Variants in ANGPT1 observed in about 807,000 individuals in gnomAD.
ANGPT1 encodes angiopoietin 1.
Under a neutral mutation model 62.2 loss-of-function variants are expected in ANGPT1, and 17 were observed. That is an observed-to-expected ratio of 0.27 (90% CI 0.19 to 0.41). The LOEUF (loss-of-function observed/expected upper bound fraction) is 0.41, where lower values mean the gene tolerates loss of function less well. ANGPT1 is among the 10% of genes least tolerant of loss of function. ANGPT1 has a pLI of 1.00. For synonymous variants in ANGPT1, 199 were observed against 198.9 expected, an observed-to-expected ratio of 1.00 and a Z score of 0.00; for missense variants, 478 against 594.9, an observed-to-expected ratio of 0.80 and a Z score of 2.04.
At chr8:107,258,989 T>G (rs1157481691) in intron 8 of ANGPT1, among the ~76,000 whole-genome samples, 1 of 152,132 alleles carries the variant, frequency 6.6e-6, no homozygotes, top group Non-Finnish European at 1.5e-5. Context: ...TGCCACACAC[T>G]ATGGCAGCCA....
chr8:107,345,482 T>C (rs1037898399), intron 2 of ANGPT1, among the ~76,000 whole-genome samples: 2 of 152,026 alleles, frequency 1.3e-5, no homozygotes, highest in Non-Finnish European at 2.9e-5. Context: ...CAAGACACAG[T>C]GTTTTAGGGG....
Position 107,474,429 on chromosome 8 carries a change from A to G in ANGPT1, c.297+22833T>C, listed in dbSNP as rs1292813936. Among the ~76,000 whole-genome samples the G allele has an allele frequency of 2.0e-5, 3 of 152,128 alleles. No homozygotes were observed. The East Asian group carries it at 5.8e-4, about 29-fold the overall frequency. On this transcript the variant is annotated intron_variant, in intron 1 of 8. Coordinates refer to ENST00000517746, the MANE Select transcript of ANGPT1 (RefSeq NM_001146.5). ...TCAATAAATTAGGTATTGATGGGAC[A>G]TATCTCAAAATAACAAGAGCTATTT...
chr8:107,277,659 A>G lies in ANGPT1; in HGVS notation c.1205+7023T>C, dbSNP rs75157964. On this transcript the variant is annotated intron_variant, in intron 7 of 8. Coordinates refer to ENST00000517746, the MANE Select transcript of ANGPT1 (RefSeq NM_001146.5). ...GCCCAATCAATAATGGAACAAATTA[A>G]TCTTTTGTGCCTTTGGATGTGATAG... Among the ~76,000 whole-genome samples, 974 of 152,356 alleles carry G rather than the reference A, an allele frequency of 6.4e-3. 34 individuals are homozygous for G. The East Asian group carries it at 0.12, about 18-fold the overall frequency.
At chr8:107,252,980 A>G (rs1480803966) in intron 8 of ANGPT1, among the ~76,000 whole-genome samples, 1 of 152,200 alleles carries the variant, frequency 6.6e-6, no homozygotes, top group African/African-American at 2.4e-5. Context: ...AGAAAGAGAA[A>G]GCTGTACAGC....
chr8:107,442,059 C>T (rs536920295), intron 1 of ANGPT1, among the ~76,000 whole-genome samples: 38 of 152,000 alleles, frequency 2.5e-4, no homozygotes, highest in African/African-American at 8.2e-4. Context: ...ACTCCAGCCT[C>T]GGTGACAGAG....
intron 1 of ANGPT1, among the ~76,000 whole-genome samples, chr8:107,349,605 T>G (rs1351850155): frequency 6.6e-6 from 1 of 152,150 alleles, no homozygotes; most frequent in African/African-American, 2.4e-5. Flanking sequence ...CCTTTTATAA[T>G]CACACTTAAA....
intron 4 of ANGPT1, among the ~76,000 whole-genome samples, chr8:107,320,214 C>A (rs190456123): frequency 5.5e-4 from 83 of 152,156 alleles, no homozygotes; most frequent in Admixed American, 1.4e-3. Flanking sequence ...GATATTGCGC[C>A]CAAAGTTGAA....
At chr8:107,409,794 C>T (rs1488110094) in intron 1 of ANGPT1, among the ~76,000 whole-genome samples, 3 of 151,870 alleles carry the variant, frequency 2.0e-5, no homozygotes, top group Admixed American at 6.6e-5. Flanking sequence ...GGAACCCTCA[C>T]TTAGAATTCT....
intron 4 of ANGPT1, among the ~76,000 whole-genome samples, chr8:107,319,797 T>C (rs558246393): frequency 1.1e-4 from 16 of 152,180 alleles, no homozygotes; most frequent in South Asian, 8.3e-4. Context: ...CTTTCCACTT[T>C]TGTGTCTCTT....
intron 8 of ANGPT1, among the ~76,000 whole-genome samples, chr8:107,262,724 A>T (rs1050528735): frequency 2.6e-5 from 4 of 152,244 alleles, no homozygotes; most frequent in Non-Finnish European, 4.4e-5. Context: ...TATTACAGTA[A>T]GAGAGAAGCA....
chr8:107,398,804 A>G (rs968525644), intron 1 of ANGPT1, among the ~76,000 whole-genome samples: 5 of 152,168 alleles, frequency 3.3e-5, no homozygotes, highest in African/African-American at 4.8e-5. Context: ...CTTTCAGAGA[A>G]AGAGTAATCG....
chr8:107,346,496 C>T (rs1479781554), intron 2 of ANGPT1, among the ~76,000 whole-genome samples: 1 of 152,104 alleles, frequency 6.6e-6, no homozygotes, highest in Non-Finnish European at 1.5e-5. Context: ...ACACATATTC[C>T]TCATAACTTC....
intron 1 of ANGPT1, among the ~76,000 whole-genome samples, chr8:107,402,522 C>T (rs1817066816): frequency 6.6e-6 from 1 of 152,168 alleles, no homozygotes; most frequent in African/African-American, 2.4e-5. Flanking sequence ...CACCTGCTCC[C>T]ATGCTAGCAC....
chr8:107,348,688 T>C (rs1586245304), intron 1 of ANGPT1, among the ~76,000 whole-genome samples: 1 of 152,208 alleles, frequency 6.6e-6, no homozygotes, highest in Admixed American at 6.5e-5. Context: ...AAGAGGCAGG[T>C]AGAGAAAAAG....
intron 1 of ANGPT1, among the ~76,000 whole-genome samples, chr8:107,349,832 A>G (rs1815894955): frequency 6.6e-6 from 1 of 152,178 alleles, no homozygotes; most frequent in Admixed American, 6.5e-5. Flanking sequence ...CTACATGGGG[A>G]GAATTTTAAA....
chr8:107,412,677 A>G (rs1432891620), intron 1 of ANGPT1, among the ~76,000 whole-genome samples: 4 of 152,162 alleles, frequency 2.6e-5, no homozygotes, highest in African/African-American at 9.7e-5. Flanking sequence ...AGATGAATAC[A>G]TCCCCTGCCT....
intron 1 of ANGPT1, among the ~76,000 whole-genome samples, chr8:107,456,764 TA>T (rs1293152971): frequency 3.3e-5 from 5 of 152,020 alleles, no homozygotes; most frequent in African/African-American, 1.2e-4. Flanking sequence ...AATAGAAATA[TA>T]AAACCTAGAG....
At position 107,298,036 on chromosome 8, in the gene ANGPT1, T is replaced by C. The variant is rs540429000; in HGVS notation, c.937-3999A>G. Among the ~76,000 whole-genome samples the C allele has an allele frequency of 9.9e-4, 151 of 151,996 alleles. 2 individuals carry two copies. Among genetic ancestry groups the C allele is most frequent in the Admixed American group, 1.6e-3 (25 of 15,196 alleles). On this transcript the variant is annotated intron_variant, in intron 5 of 8. Transcript: ENST00000517746. ...ACCCTGCTACATTAACTATGCCTAT[T>C]GCATTTATTGATCATATGACTTGGG...
At chr8:107,457,855 CACACACACA>C (rs1563631562) in intron 1 of ANGPT1, among the ~76,000 whole-genome samples, 12 of 150,572 alleles carry the variant, frequency 8.0e-5, no homozygotes, top group African/African-American at 2.9e-4. Flanking sequence ...CACACACACA[CACACACACA>C]CACCAAGAGG....
Sources: allele counts gnomAD v4.1 joint callset (sites outside exome capture counted in the v4.1 genomes callset), GRCh38; gene constraint gnomAD v4.1.1; transcripts MANE v1.5; gene names NCBI Gene and HGNC (gene_info 2026-07-23, HGNC 2026-07-21).